ERBB4: variants seen among roughly 807,000 people sequenced by gnomAD.
The protein encoded by ERBB4 is erb-b2 receptor tyrosine kinase 4.
In ERBB4, 42 loss-of-function variants were observed where a neutral mutation model predicts 158.0. The ratio of observed to expected loss-of-function variants is 0.27; its 90% CI spans 0.21 to 0.34. The LOEUF (loss-of-function observed/expected upper bound fraction) is 0.34. Among genes scored for constraint, ERBB4 ranks in the 10% least tolerant of loss-of-function variants. The pLI, the probability that ERBB4 is intolerant of heterozygous loss-of-function variation, is 1.00. For missense variants in ERBB4, 1,333 were observed against 1,624.1 expected (o/e 0.82, Z 3.08); for synonymous variants, 583 against 558.7 (o/e 1.04, Z -0.61).
chr2:212,195,580 G>A (rs943424235), intron 1 of ERBB4, among the ~76,000 whole-genome samples: 14 of 151,888 alleles, frequency 9.2e-5, no homozygotes, highest in Non-Finnish European at 2.1e-4. Flanking sequence ...AAATAGAGGT[G>A]GTTAGAGTAC....
chr2:211,422,239 A>T, intron 23 of ERBB4, 135 bp from the exon 24 acceptor site: 24 of 616,776 alleles, frequency 3.9e-5, no homozygotes, highest in East Asian at 6.4e-5. Context: ...AAAGCAAGCT[A>T]GTGAAAGAAA....
At chr2:211,479,733 C>T (rs769879275) in intron 20 of ERBB4, among the ~76,000 whole-genome samples, 2 of 152,112 alleles carry the variant, frequency 1.3e-5, no homozygotes, top group Non-Finnish European at 2.9e-5. Flanking sequence ...TCTGGGACTA[C>T]TGCTGTGTGT....
intron 4 of ERBB4, among the ~76,000 whole-genome samples, chr2:211,784,674 C>T (rs553187074): frequency 6.6e-6 from 1 of 152,210 alleles, no homozygotes; most frequent in African/African-American, 2.4e-5. Context: ...TGAGAAACCA[C>T]CAGACTATTT....
rs1443958987 is a variant in ERBB4 at position 212,124,806 on chromosome 2, C to T, written c.180G>A (p.Met60Ile). 2 of 1,614,092 alleles carry T rather than the reference C, an allele frequency of 1.2e-6. No individual in the cohort carries two copies. Among genetic ancestry groups the T allele is most frequent in the African/African-American group, 1.3e-5 (1 of 75,042 alleles). The change falls in exon 2 of 28, where the codon ATG becomes ATA. Residue 60 changes from methionine to isoleucine, a missense_variant. Coordinates refer to ENST00000342788, the MANE Select transcript of ERBB4 (RefSeq NM_005235.3). ...CAATGCTGGTTATCTCCAGGTTGCCCATGACAACCTCACAGTTTTCATAGT... is the reference window on the plus strand; with the variant it reads ...CAATGCTGGTTATCTCCAGGTTGCCTATGACAACCTCACAGTTTTCATAGT... ...RKYYENCEVV[M>I]GNLEITSIEH... is the part of the protein sequence containing the mutation.
chr2:211,507,145 C>T (rs187168673), intron 20 of ERBB4, among the ~76,000 whole-genome samples: 23 of 152,028 alleles, frequency 1.5e-4, no homozygotes, highest in Admixed American at 1.1e-3. Flanking sequence ...TACAACCTCC[C>T]GAGATTGAAC....
rs2125318019 is a variant in ERBB4, at chr2:211,386,861, G to T, written c.3473C>A (p.Pro1158His). The change falls in exon 27 of 28, where the codon CCC becomes CAC. Residue 1158 changes from proline (P) to histidine (H), a missense_variant. Pro to His is a moderately conservative substitution (Grantham distance 77). Coordinates refer to ENST00000342788, the MANE Select transcript of ERBB4 (RefSeq NM_005235.3). ...GAATAATCAGTTCATACCTTGTTTG[G>T]GTTTGTCTCGCATAGGAGTCATGTA... is the stretch of plus-strand genomic sequence containing the variant. ...EGYMTPMRDK[P>H]KQEYLNPVEE... 1 of 1,614,050 alleles carries T rather than the reference G, an allele frequency of 6.2e-7. No homozygotes were observed. The highest frequency in any genetic ancestry group is 8.5e-7 in the Non-Finnish European group (1 of 1,179,962).
chr2:211,860,438 A>T (rs2077982512), intron 3 of ERBB4, among the ~76,000 whole-genome samples: 1 of 152,144 alleles, frequency 6.6e-6, no homozygotes, highest in Admixed American at 6.6e-5. Flanking sequence ...TAGATTAAAA[A>T]CAGATTGCTC....
intron 2 of ERBB4, among the ~76,000 whole-genome samples, chr2:211,964,082 A>G (rs2081252001): frequency 6.6e-6 from 1 of 152,150 alleles, no homozygotes; most frequent in Non-Finnish European, 1.5e-5. Context: ...CTCTCTCCTG[A>G]GTCAACTTCA....
At chr2:211,715,343 G>C (rs772442214) in intron 7 of ERBB4, among the ~76,000 whole-genome samples, 5 of 152,186 alleles carry the variant, frequency 3.3e-5, no homozygotes, top group African/African-American at 7.2e-5. Flanking sequence ...TGATATCAAA[G>C]TCCAATCTTG....
chr2:211,405,673 A>C (rs1460391329), intron 25 of ERBB4, among the ~76,000 whole-genome samples: 1 of 152,140 alleles, frequency 6.6e-6, no homozygotes, highest in African/African-American at 2.4e-5. Flanking sequence ...TTAACTCCTC[A>C]ATCAATTTTA....
intron 1 of ERBB4, among the ~76,000 whole-genome samples, chr2:212,177,941 T>C (rs927928015): frequency 1.6e-5 from 2 of 127,520 alleles, no homozygotes; most frequent in Admixed American, 7.8e-5. Context: ...AGAGTGTTTG[T>C]GAGTGTTTGT....
At chr2:212,207,983 A>G (rs1265198176) in intron 1 of ERBB4, among the ~76,000 whole-genome samples, 1 of 152,220 alleles carries the variant, frequency 6.6e-6, no homozygotes, top group Admixed American at 6.5e-5. Flanking sequence ...AATTAAAGCC[A>G]TATACTTTTT....
chr2:211,823,602 T>C (rs917333390), intron 3 of ERBB4, among the ~76,000 whole-genome samples: 1 of 152,018 alleles, frequency 6.6e-6, no homozygotes, highest in African/African-American at 2.4e-5. Flanking sequence ...CCTTATGTAA[T>C]CTTATCTAAC....
At chr2:211,879,593 T>A (rs960169861) in intron 3 of ERBB4, among the ~76,000 whole-genome samples, 5 of 152,202 alleles carry the variant, frequency 3.3e-5, no homozygotes, top group African/African-American at 4.8e-5. Context: ...TAATATAGGA[T>A]CTGTACCCAA....
intron 20 of ERBB4, among the ~76,000 whole-genome samples, chr2:211,470,531 T>C (rs899765729): frequency 6.6e-6 from 1 of 152,188 alleles, no homozygotes; most frequent in Non-Finnish European, 1.5e-5. Context: ...TTTTTTTACT[T>C]TCATCTATTT....
At chr2:211,925,664 G>A (rs574210890) in intron 3 of ERBB4, among the ~76,000 whole-genome samples, 14 of 152,120 alleles carry the variant, frequency 9.2e-5, no homozygotes, top group African/African-American at 3.4e-4. Context: ...ATAGGCATGA[G>A]CCACCACGCC....
chr2:212,484,845 C>A (rs960706645), intron 1 of ERBB4, among the ~76,000 whole-genome samples: 1 of 152,194 alleles, frequency 6.6e-6, no homozygotes, highest in Non-Finnish European at 1.5e-5. Flanking sequence ...ATTTCTTTCA[C>A]ATGCTGCCCC....
intron 2 of ERBB4, among the ~76,000 whole-genome samples, chr2:212,084,685 G>A (rs1358112594): frequency 3.9e-5 from 6 of 151,950 alleles, no homozygotes; most frequent in Non-Finnish European, 8.8e-5. Flanking sequence ...ACATATTGGT[G>A]TGGTCAAACA....
At chr2:212,300,456 C>T (rs2086578090) in intron 1 of ERBB4, among the ~76,000 whole-genome samples, 2 of 151,532 alleles carry the variant, frequency 1.3e-5, no homozygotes, top group East Asian at 2.0e-4. Flanking sequence ...CAAATGTGAC[C>T]CTAAAATTTT....
Sources: gnomAD v4.1 joint callset for allele counts (sites outside exome capture counted in the v4.1 genomes callset) on GRCh38, gnomAD v4.1.1 for gene constraint, MANE v1.5 for transcripts, NCBI Gene and HGNC (gene_info 2026-07-23, HGNC 2026-07-21) for gene names.